The following SPTAN1 variants were observed in gnomAD, a reference collection of about 807,000 sequenced individuals.
SPTAN1 encodes spectrin alpha chain, non-erythrocytic 1.
A neutral mutation model predicts 331.3 loss-of-function variants in SPTAN1; 61 were observed. The observed-to-expected ratio is 0.18, with a 90% CI of 0.15 to 0.23. SPTAN1 has a LOEUF of 0.23. SPTAN1 is among the 10% of genes least tolerant of loss of function. SPTAN1 has a pLI of 1.00. For synonymous variants in SPTAN1, 1,153 were observed against 1,173.9 expected, an observed-to-expected ratio of 0.98 and a Z score of 0.36; for missense variants, 2,043 against 3,147.9, an observed-to-expected ratio of 0.65 and a Z score of 8.40.
At chr9:128,605,928 G>T (rs989421764) in intron 31 of SPTAN1, among the ~76,000 whole-genome samples, 7 of 151,346 alleles carry the variant, frequency 4.6e-5, no homozygotes, top group Non-Finnish European at 7.4e-5. Flanking sequence ...GGAGGCGGAG[G>T]TTGCAGTGAG....
intron 4 of SPTAN1, 132 bp downstream of exon 4, chr9:128,574,947 C>T: frequency 7.6e-7 from 1 of 1,318,594 alleles, no homozygotes. Flanking sequence ...AGTGGGGTTG[C>T]TGTCTCTCCA....
intron 1 of SPTAN1, chr9:128,555,315 G>A: frequency 7.8e-7 from 1 of 1,274,408 alleles, no homozygotes; most frequent in Non-Finnish European, 1.0e-6. Context: ...GCCCTTAGAA[G>A]CTTGTTATCT....
Position 128,577,111 on chromosome 9 carries a change from G to T in SPTAN1, c.786-18G>T, listed in dbSNP as rs1293103710. ...GAGTCATCATTGCTGTGGATTAACTGGTGCCTTTGTTCTGTAGGGATGTGG... is the reference window on the plus strand; with the variant it reads ...GAGTCATCATTGCTGTGGATTAACTTGTGCCTTTGTTCTGTAGGGATGTGG... On this transcript the variant is annotated intron_variant, in intron 6 of 56. Coordinates refer to ENST00000372739, the MANE Select transcript of SPTAN1 (RefSeq NM_001130438.3). The surrounding 1 kb of genome is among the most constrained non-coding windows in gnomAD (Gnocchi z 4.2). The T allele has an allele frequency of 2.5e-6, 4 of 1,614,100 alleles. No homozygotes were observed. Among genetic ancestry groups the T allele is most frequent in the Non-Finnish European group, 3.4e-6 (4 of 1,180,024 alleles).
rs796053304 is a variant in SPTAN1 at position 128,600,108 on chromosome 9, C to G, written c.3572C>G (p.Pro1191Arg). The stretch of plus-strand genomic sequence containing the variant: ...GAAACTGATTCCAAGACAGCCTCCC[C>G]GTGGAAGGTAAGAACTCCTTTGCAA... ...RDETDSKTAS[P>R]WKSARLMVHT... is the part of the protein sequence containing the mutation. Residue 1191 changes from proline (P) to arginine (R), a missense_variant, in exon 27 of 57, where the codon CCG becomes CGG. Around this residue, in one of 12 missense-constraint regions of SPTAN1, gnomAD observed 1,038 missense variants for 1,531.5 expected, o/e 0.68. Transcript: ENST00000372739. The G allele has an allele frequency of 6.2e-7, 1 of 1,614,156 alleles. No individual in the cohort carries two copies. The highest frequency in any genetic ancestry group is 1.1e-5 in the South Asian group (1 of 91,082).
chr9:128,612,997 C>CATATTGTTGG (rs1019498396), intron 39 of SPTAN1, among the ~76,000 whole-genome samples: 4 of 152,040 alleles, frequency 2.6e-5, no homozygotes, highest in Admixed American at 2.6e-4. Flanking sequence ...TAACCATTCC[C>CATATTGTTGG]ATATTGTTGG....
At position 128,632,696 on chromosome 9, in the gene SPTAN1, C is replaced by T. The variant is rs756342577; in HGVS notation, c.7138C>T (p.Leu2380=). 2 of 1,614,032 alleles carry T rather than the reference C, an allele frequency of 1.2e-6. No homozygotes were observed. The highest frequency in any genetic ancestry group is 8.5e-7 in the Non-Finnish European group (1 of 1,180,030). ...ACCTGACCCTGAGTTCGAGGCAATCCTGGACACGGTGGATCCGAACAGGTA... is the reference window on the plus strand; with the variant it reads ...ACCTGACCCTGAGTTCGAGGCAATCTTGGACACGGTGGATCCGAACAGGTA... ...GEPDPEFEAI[L]DTVDPNRDGH... The change falls in exon 55 of 57, where the codon CTG becomes TTG. Residue 2380 remains leucine, a synonymous_variant. Transcript: ENST00000372739.
intron 1 of SPTAN1, among the ~76,000 whole-genome samples, chr9:128,561,456 G>A (rs1849335345): frequency 6.6e-6 from 1 of 150,876 alleles, no homozygotes. Context: ...GAGGTCAAGA[G>A]ATCGAGACCA....
rs746555665 is a variant in SPTAN1, at chr9:128,624,522, C to A, written c.5992+35C>A. ...GTCAGCAAGGCCCGGAAGAGCCTTC[C>A]CAGAGCTGCTCTTTGTCTCCTTCCG... is the stretch of plus-strand genomic sequence containing the variant. On this transcript the variant is annotated intron_variant, in intron 46 of 56. Coordinates refer to ENST00000372739, the MANE Select transcript of SPTAN1 (RefSeq NM_001130438.3). 46 of 1,609,868 alleles carry A rather than the reference C, an allele frequency of 2.9e-5. 1 individual carries two copies. The South Asian group carries it at 4.6e-4, about 16-fold the overall frequency.
chr9:128,632,589 A>T lies in SPTAN1; in HGVS notation c.7031A>T (p.Lys2344Met). 6.2e-7 allele frequency: 1 copy of T among 1,614,096 alleles called. No individual in the cohort carries two copies. The highest frequency in any genetic ancestry group is 8.5e-7 in the Non-Finnish European group (1 of 1,180,042). ...TGCTGCAGACACTTTGACAAGGACA[A>T]GTCTGGCAGGCTGAACCATCAGGAG... ...SMMFKHFDKD[K>M]SGRLNHQEFK... Residue 2344 changes from lysine (K) to methionine (M), a missense_variant, in exon 55 of 57, where the codon AAG becomes ATG. This residue lies in a region of SPTAN1 where 58 missense variants were observed against 74.0 expected (regional missense o/e 0.78). Coordinates refer to ENST00000372739, the MANE Select transcript of SPTAN1 (RefSeq NM_001130438.3).
chr9:128,626,782 G>C, intron 49 of SPTAN1, 95 bp downstream of exon 49: 1 of 608,562 alleles, frequency 1.6e-6, no homozygotes, highest in South Asian at 1.7e-5. Context: ...ACGACAAGAC[G>C]AGCAGGATGG....
At position 128,584,285 on chromosome 9, in the gene SPTAN1, C is replaced by T. The variant is rs1852298912; in HGVS notation, c.2197C>T (p.Arg733Ter). 1 of 1,614,120 alleles carries T rather than the reference C, an allele frequency of 6.2e-7. No individual in the cohort carries two copies. The highest frequency in any genetic ancestry group is 8.5e-7 in the Non-Finnish European group (1 of 1,180,042). ...LEADVAAHQDRIDGITIQARQ... is the reference protein window; with the variant it reads ...LEADVAAHQD ...CTCTGTCCTTTTGCATTCCCAGGACCGAATTGATGGCATCACCATTCAGGC... is the reference window on the plus strand; with the variant it reads ...CTCTGTCCTTTTGCATTCCCAGGACTGAATTGATGGCATCACCATTCAGGC... The change falls in exon 17 of 57, where the codon CGA (arginine) becomes TGA (stop). Residue 733 changes from arginine to a stop codon, truncating the protein, a stop_gained. Transcript: ENST00000372739. LOFTEE classifies it high-confidence loss of function.
chr9:128,621,119 C>T, intron 44 of SPTAN1, 39 bp from the exon 45 acceptor site: 1 of 1,567,704 alleles, frequency 6.4e-7, no homozygotes, highest in South Asian at 1.1e-5. Context: ...CAACACATAG[C>T]AGGCTCTCAA....
rs780759979 is a variant in SPTAN1, at chr9:128,591,534, A to G, written c.3064A>G (p.Lys1022Glu). 6.2e-7 allele frequency: 1 copy of G among 1,614,124 alleles called. No homozygotes were observed. Among genetic ancestry groups the G allele is most frequent in the Non-Finnish European group, 8.5e-7 (1 of 1,180,012 alleles). The stretch of plus-strand genomic sequence containing the variant: ...GGGTTTTGTGCCGGCTGCGTACGTG[A>G]AGAAATTGGACCCCGCCCAGTCAGC... ...RQGFVPAAYV[K>E]KLDPAQSASR... Residue 1022 changes from lysine (K) to glutamate (E), a missense_variant, in exon 22 of 57, where the codon AAG (lysine) becomes GAG (glutamate). By Grantham distance (56) the Lys-to-Glu change is moderately conservative. Transcript: ENST00000372739.
Position 128,573,915 on chromosome 9 carries a change from C to T in SPTAN1, c.364-760C>T, listed in dbSNP as rs59617922. On this transcript the variant is annotated intron_variant, in intron 3 of 56. Transcript: ENST00000372739. Reference sequence around the variant, plus strand: ...GATTACAGGTGTGCGCCCCCATACCCGGCTCATTTTTGTACTTTTAGTAGA... The same window carrying T: ...GATTACAGGTGTGCGCCCCCATACCTGGCTCATTTTTGTACTTTTAGTAGA... 1.4e-3 allele frequency among the ~76,000 whole-genome samples: 215 copies of T among 152,244 alleles called. 1 individual carries two copies. The highest frequency in any genetic ancestry group is 4.7e-3 in the African/African-American group (197 of 41,532).
chr9:128,593,739 C>T (rs954014788), intron 23 of SPTAN1: 2 of 251,598 alleles, frequency 7.9e-6, no homozygotes, highest in Non-Finnish European at 7.9e-6. Flanking sequence ...AGTGTACCCT[C>T]CCCCACCTCA....
At chr9:128,617,035 T>C (rs1292031637) in intron 41 of SPTAN1, among the ~76,000 whole-genome samples, 1 of 151,870 alleles carries the variant, frequency 6.6e-6, no homozygotes, top group Non-Finnish European at 1.5e-5. Flanking sequence ...TCCAAGAGTT[T>C]GAGACCAGCC....
chr9:128,611,649 C>A, intron 37 of SPTAN1, 65 bp from the exon 38 acceptor site: 1 of 1,599,998 alleles, frequency 6.3e-7, no homozygotes, highest in Non-Finnish European at 8.5e-7. Context: ...CTGAGAACCC[C>A]TTCCCCCTGA....
chr9:128,624,290 G>A (rs778514973), intron 45 of SPTAN1, 38 bp from the exon 46 acceptor site: 8 of 1,613,086 alleles, frequency 5.0e-6, no homozygotes, highest in Middle Eastern at 1.7e-4. Context: ...ACCACAGCAG[G>A]TAAGGCTGAC....
At position 128,594,240 on chromosome 9, in the gene SPTAN1, T is replaced by G; in HGVS notation, c.3281T>G (p.Phe1094Cys). ...KGMLEKSCKKFMLFREANELQ... is the reference protein window; with the variant it reads ...KGMLEKSCKKCMLFREANELQ... ...ATGTTGGAGAAGAGTTGCAAGAAGTTTATGTTGTTCCGTGAAGCGAATGAA... is the reference window on the plus strand; with the variant it reads ...ATGTTGGAGAAGAGTTGCAAGAAGTGTATGTTGTTCCGTGAAGCGAATGAA... Residue 1094 changes from phenylalanine (F) to cysteine (C), a missense_variant, in exon 24 of 57, where the codon TTT (phenylalanine) becomes TGT (cysteine). Around this residue, in one of 12 missense-constraint regions of SPTAN1, gnomAD observed 1,038 missense variants for 1,531.5 expected, o/e 0.68. Coordinates refer to ENST00000372739, the MANE Select transcript of SPTAN1 (RefSeq NM_001130438.3). The G allele has an allele frequency of 6.2e-7, 1 of 1,614,056 alleles. No individual in the cohort carries two copies. Among genetic ancestry groups the G allele is most frequent in the Non-Finnish European group, 8.5e-7 (1 of 1,180,016 alleles).
Sources: allele counts gnomAD v4.1 joint callset (sites outside exome capture counted in the v4.1 genomes callset), GRCh38; gene constraint gnomAD v4.1.1; regional missense constraint gnomAD v4.1.1; non-coding constraint Gnocchi (gnomAD v3.1); transcripts MANE v1.5; gene names NCBI Gene and HGNC (gene_info 2026-07-23, HGNC 2026-07-21).